TMEM63C: variants seen among roughly 807,000 people sequenced by gnomAD.
The protein encoded by TMEM63C is transmembrane protein 63C.
Under a neutral mutation model 99.2 loss-of-function variants are expected in TMEM63C, and 32 were observed. That is an observed-to-expected ratio of 0.32 (90% CI 0.24 to 0.43). The LOEUF (loss-of-function observed/expected upper bound fraction) is 0.43. Ranked by LOEUF, TMEM63C falls within the 20% of genes least tolerant of loss-of-function variation. The pLI is 1.00. For missense variants in TMEM63C, 826 were observed against 1,053.0 expected (o/e 0.78, Z 2.98); for synonymous variants, 376 against 397.9 (o/e 0.94, Z 0.66).
At chr14:77,239,816 C>T (rs1342276689) in intron 12 of TMEM63C, 90 bp downstream of exon 12, 4 of 1,507,970 alleles carry the variant, frequency 2.7e-6, no homozygotes, top group African/African-American at 1.4e-5. Context: ...TGTTGGGCCC[C>T]AGGCCTCACT....
chr14:77,248,169 A>G (rs1046583217), intron 18 of TMEM63C, among the ~76,000 whole-genome samples, 178 bp from the exon 19 acceptor site: 1 of 152,106 alleles, frequency 6.6e-6, no homozygotes, highest in African/African-American at 2.4e-5. Context: ...GGGGACATAT[A>G]TATTATAGGA....
At chr14:77,237,333 C>T (rs1477719035) in intron 9 of TMEM63C, among the ~76,000 whole-genome samples, 2 of 152,040 alleles carry the variant, frequency 1.3e-5, no homozygotes, top group African/African-American at 4.8e-5. Flanking sequence ...GATCAGAGAC[C>T]CCCGTGTATC....
chr14:77,194,890 G>A (rs985795932), intron 1 of TMEM63C, among the ~76,000 whole-genome samples: 8 of 151,796 alleles, frequency 5.3e-5, no homozygotes, highest in African/African-American at 9.7e-5. Context: ...CGTGGATTTC[G>A]TTTTCATTGT....
intron 1 of TMEM63C, among the ~76,000 whole-genome samples, chr14:77,191,061 C>T (rs1239610942): frequency 6.6e-6 from 1 of 152,086 alleles, no homozygotes; most frequent in Non-Finnish European, 1.5e-5. Flanking sequence ...AAATATATAG[C>T]TTGTTTGTAT....
At chr14:77,202,438 C>A (rs901814521) in intron 1 of TMEM63C, among the ~76,000 whole-genome samples, 1 of 152,202 alleles carries the variant, frequency 6.6e-6, no homozygotes, top group Non-Finnish European at 1.5e-5. Context: ...AAGTTATTCT[C>A]TTCCAGTCCT....
intron 1 of TMEM63C, among the ~76,000 whole-genome samples, chr14:77,182,574 C>G (rs1372025768): frequency 2.0e-5 from 3 of 152,152 alleles, no homozygotes; most frequent in Non-Finnish European, 4.4e-5. Flanking sequence ...GCCTCCCAGG[C>G]ACTGCCTTCA....
chr14:77,230,507 G>A (rs1184799592), intron 6 of TMEM63C, among the ~76,000 whole-genome samples: 1 of 152,152 alleles, frequency 6.6e-6, no homozygotes, highest in African/African-American at 2.4e-5. Flanking sequence ...GCCACAGATC[G>A]ATACCTGTTA....
chr14:77,240,953 TTTTTTTTTTC>T (rs1566629301), intron 13 of TMEM63C, among the ~76,000 whole-genome samples: 2 of 129,420 alleles, frequency 1.5e-5, no homozygotes, highest in Non-Finnish European at 3.5e-5. Context: ...TTTTCTTTTT[TTTTTTTTTTC>T]TTTTTTTGAG....
chr14:77,199,384 C>G (rs955330590), intron 1 of TMEM63C, among the ~76,000 whole-genome samples: 1 of 152,172 alleles, frequency 6.6e-6, no homozygotes, highest in African/African-American at 2.4e-5. Context: ...ATCATTCAGC[C>G]GAGATTCAGG....
intron 23 of TMEM63C, 84 bp downstream of exon 23, chr14:77,253,460 C>A: frequency 1.5e-6 from 2 of 1,318,534 alleles, no homozygotes. Flanking sequence ...GGGATGCCAG[C>A]TTTGCTGCCC....
rs373141508 is a variant in TMEM63C at position 77,248,837 on chromosome 14, C to T, written c.1835C>T (p.Ala612Val). 41 of 1,613,852 alleles carry T rather than the reference C, an allele frequency of 2.5e-5. No homozygotes were observed. The highest frequency in any genetic ancestry group is 4.5e-5 in the East Asian group (2 of 44,892). Reference protein sequence around the residue: ...WMMNVFSVVMAYSITCPIIVP... With the variant: ...WMMNVFSVVMVYSITCPIIVP... ...ATGAACGTGTTCAGCGTGGTGATGG[C>T]GTACAGCATCACTTGCCCCATCATT... The change falls in exon 20 of 24, where the codon GCG becomes GTG. Residue 612 changes from alanine to valine, a missense_variant. Ala to Val is a moderately conservative substitution (Grantham distance 64). Coordinates refer to ENST00000298351, the MANE Select transcript of TMEM63C (RefSeq NM_020431.4).
In TMEM63C at chr14:77,240,608, G is replaced by A. The variant is rs1889151107; in HGVS notation, c.1064G>A (p.Arg355His). 2 of 1,608,364 alleles carry A rather than the reference G, an allele frequency of 1.2e-6. No individual in the cohort carries two copies. The highest frequency in any genetic ancestry group is 2.2e-5 in the East Asian group (1 of 44,882). Residue 355 changes from arginine (R) to histidine (H), a missense_variant and splice_region_variant, in exon 13 of 24, where the codon CGT becomes CAT. By Grantham distance (29) the Arg-to-His change is conservative. Coordinates refer to ENST00000298351, the MANE Select transcript of TMEM63C (RefSeq NM_020431.4). Reference sequence around the variant, plus strand: ...TTCCAGGACTCCAGGATGGCCAAGCGGTGAGCACCAGGCAGGCGCCCCACC... The same window carrying A: ...TTCCAGGACTCCAGGATGGCCAAGCAGTGAGCACCAGGCAGGCGCCCCACC... ...VTFQDSRMAKRVRKDYKYVQC... is the reference protein window; with the variant it reads ...VTFQDSRMAKHVRKDYKYVQC...
chr14:77,229,995 A>G (rs1400781228), intron 6 of TMEM63C, among the ~76,000 whole-genome samples: 1 of 151,768 alleles, frequency 6.6e-6, no homozygotes, highest in Non-Finnish European at 1.5e-5. Context: ...AGCTCAAGAG[A>G]TCAAGATCAT....
rs2287376 is a variant in TMEM63C, at chr14:77,219,897, G to C, written c.231-109G>C. 4.9e-6 allele frequency: 5 copies of C among 1,019,414 alleles called. No individual in the cohort carries two copies. In the African/African-American group the frequency reaches 8.0e-5, roughly 16 times the overall value. 63.1% of individuals were successfully genotyped at this position (1,019,414 alleles called of 1,614,324 possible). A position where few individuals can be genotyped will look rare whatever the true frequency, so the allele number is the denominator to read the frequency against. ...CAAAGGAGCTGAGGAGCGCCTGCCCGTGGCAGAGCAGAGGGCAGCCCTCAG... is the reference window on the plus strand; with the variant it reads ...CAAAGGAGCTGAGGAGCGCCTGCCCCTGGCAGAGCAGAGGGCAGCCCTCAG... On this transcript the variant is annotated intron_variant, in intron 4 of 23. Coordinates refer to ENST00000298351, the MANE Select transcript of TMEM63C (RefSeq NM_020431.4).
At chr14:77,246,718 C>A in intron 18 of TMEM63C, 44 bp downstream of exon 18, 1 of 1,533,216 alleles carries the variant, frequency 6.5e-7, no homozygotes, top group Non-Finnish European at 9.0e-7. Context: ...TGTGTGCACA[C>A]AGGAGTGGTT....
intron 1 of TMEM63C, among the ~76,000 whole-genome samples, chr14:77,192,750 G>A (rs1888131477): frequency 6.6e-6 from 1 of 151,824 alleles, no homozygotes; most frequent in Admixed American, 6.6e-5. Context: ...GGGCAACAGA[G>A]TGAGACCCTG....
At position 77,248,828 on chromosome 14, in the gene TMEM63C, T is replaced by G. The variant is rs369304716; in HGVS notation, c.1826T>G (p.Val609Gly). 6.2e-7 allele frequency: 1 copy of G among 1,613,944 alleles called. No homozygotes were observed. The highest frequency in any genetic ancestry group is 1.7e-5 in the Admixed American group (1 of 60,012). ...GCGTGGATGATGAACGTGTTCAGCG[T>G]GGTGATGGCGTACAGCATCACTTGC... ...EYAWMMNVFS[V>G]VMAYSITCPI... The change falls in exon 20 of 24, where the codon GTG becomes GGG. Residue 609 changes from valine to glycine, a missense_variant. Val to Gly is a moderately radical substitution (Grantham distance 109, BLOSUM62 -3). Coordinates refer to ENST00000298351, the MANE Select transcript of TMEM63C (RefSeq NM_020431.4).
intron 1 of TMEM63C, among the ~76,000 whole-genome samples, chr14:77,185,473 T>C (rs1594846122): frequency 6.6e-6 from 1 of 152,346 alleles, no homozygotes; most frequent in Non-Finnish European, 1.5e-5. Context: ...CATGCTGGCC[T>C]CAGGCCATCG....
chr14:77,234,504 T>G (rs1312541822), intron 8 of TMEM63C, among the ~76,000 whole-genome samples: 1 of 152,218 alleles, frequency 6.6e-6, no homozygotes, highest in East Asian at 1.9e-4. Flanking sequence ...TCAATCTCCA[T>G]GAATCTATCC....
Sources: gnomAD v4.1 joint callset for allele counts (sites outside exome capture counted in the v4.1 genomes callset) on GRCh38, gnomAD v4.1.1 for gene constraint, MANE v1.5 for transcripts, NCBI Gene and HGNC (gene_info 2026-07-23, HGNC 2026-07-21) for gene names.